Variants in DPP6 observed in about 807,000 individuals in gnomAD.
DPP6 encodes the protein dipeptidyl peptidase like 6, also known as A-type potassium channel modulatory protein DPP6.
Under a neutral mutation model 122.6 loss-of-function variants are expected in DPP6, and 69 were observed. The observed-to-expected ratio is 0.56, with a 90% CI of 0.46 to 0.69. The LOEUF (loss-of-function observed/expected upper bound fraction) is 0.69, where lower values mean the gene tolerates loss of function less well. DPP6 is among the 30% of genes least tolerant of loss of function. The pLI is 0.00. For synonymous variants in DPP6, 418 were observed against 433.1 expected (o/e 0.97, Z 0.43); for missense variants, 928 against 1,116.9 (o/e 0.83, Z 2.41).
At chr7:153,843,442 C>G in the DPP6 span, among the ~76,000 whole-genome samples, 1 of 152,170 alleles carries the variant, frequency 6.6e-6, no homozygotes, top group Admixed American at 6.5e-5. Flanking sequence ...ACGGGGCTCT[C>G]TCTTTGTTCC....
At chr7:153,762,887 C>T in the DPP6 span, among the ~76,000 whole-genome samples, 2 of 152,200 alleles carry the variant, frequency 1.3e-5, no homozygotes, top group Non-Finnish European at 2.9e-5. Flanking sequence ...GTTGAACAAG[C>T]ACTCCTAGGG....
intron 1 of DPP6, among the ~76,000 whole-genome samples, chr7:154,210,432 T>G (rs1799678825): frequency 6.6e-6 from 1 of 152,232 alleles, no homozygotes; most frequent in Admixed American, 6.5e-5. Context: ...TCTTACTAAC[T>G]GGATAACTTC....
At chr7:154,505,040 T>A (rs767217438) in intron 3 of DPP6, among the ~76,000 whole-genome samples, 2 of 152,168 alleles carry the variant, frequency 1.3e-5, no homozygotes, top group African/African-American at 2.4e-5. Context: ...AGACTGTCTC[T>A]TGACTACCTG....
At chr7:154,462,346 T>C (rs1180805457) in intron 2 of DPP6, among the ~76,000 whole-genome samples, 1 of 152,204 alleles carries the variant, frequency 6.6e-6, no homozygotes, top group Non-Finnish European at 1.5e-5. Flanking sequence ...TTATTGTGGA[T>C]CTTTTGTGAT....
intron 1 of DPP6, among the ~76,000 whole-genome samples, chr7:154,087,653 T>TG (rs1804521719): frequency 6.6e-6 from 1 of 152,180 alleles, no homozygotes; most frequent in Admixed American, 6.5e-5. Flanking sequence ...TGAAGGCTCT[T>TG]AGTTTAAAAG....
At chr7:154,651,941 T>C (rs561876228) in intron 6 of DPP6, among the ~76,000 whole-genome samples, 25 of 152,292 alleles carry the variant, frequency 1.6e-4, no homozygotes, top group Non-Finnish European at 2.6e-4. Flanking sequence ...TTTCAGGCCT[T>C]TTTCTAATCA....
intron 1 of DPP6, among the ~76,000 whole-genome samples, chr7:153,894,955 G>T (rs1311874788): frequency 6.6e-6 from 1 of 152,126 alleles, no homozygotes; most frequent in Non-Finnish European, 1.5e-5. Flanking sequence ...AAGATGGGCA[G>T]AGAACACAGA....
chr7:154,871,207 T>C (rs567809174), intron 18 of DPP6, among the ~76,000 whole-genome samples: 21 of 152,118 alleles, frequency 1.4e-4, no homozygotes, highest in South Asian at 1.2e-3. Context: ...GGTGTGTGAC[T>C]GTCATCCCTT....
At chr7:153,846,850 G>A in the DPP6 span, among the ~76,000 whole-genome samples, 3 of 151,804 alleles carry the variant, frequency 2.0e-5, no homozygotes, top group South Asian at 2.1e-4. Flanking sequence ...CTGCCACCAC[G>A]CCTGGCTAAT....
At chr7:153,937,130 G>T (rs745875599) in intron 1 of DPP6, among the ~76,000 whole-genome samples, 40 of 152,166 alleles carry the variant, frequency 2.6e-4, no homozygotes, top group Non-Finnish European at 5.6e-4. Flanking sequence ...GCTATGAGGA[G>T]AACCCCTTGA....
chr7:153,868,418 G>C, the DPP6 span, among the ~76,000 whole-genome samples: 4 of 152,142 alleles, frequency 2.6e-5, no homozygotes, highest in South Asian at 8.3e-4. Flanking sequence ...ATTTCTTCTA[G>C]ATTTTCTAGT....
At chr7:154,262,459 C>A (rs919219288) in intron 1 of DPP6, among the ~76,000 whole-genome samples, 2 of 152,052 alleles carry the variant, frequency 1.3e-5, no homozygotes, top group Non-Finnish European at 2.9e-5. Flanking sequence ...TGTGAGGACA[C>A]AGTGAGAAGG....
chr7:154,013,820 G>A (rs1371253897), intron 1 of DPP6, among the ~76,000 whole-genome samples: 1 of 151,988 alleles, frequency 6.6e-6, no homozygotes, highest in African/African-American at 2.4e-5. Flanking sequence ...CAGATTGTCA[G>A]CTGTCATCCA....
chr7:154,655,848 C>T (rs1470830720), intron 6 of DPP6, among the ~76,000 whole-genome samples: 1 of 152,188 alleles, frequency 6.6e-6, no homozygotes, highest in African/African-American at 2.4e-5. Context: ...TCCACTTTGT[C>T]CCTTCAGGCT....
At chr7:154,685,354 G>A (rs1034140332) in intron 7 of DPP6, among the ~76,000 whole-genome samples, 1 of 152,208 alleles carries the variant, frequency 6.6e-6, no homozygotes, top group Non-Finnish European at 1.5e-5. Flanking sequence ...TTAGAATAAT[G>A]TTTCTTAACT....
At chr7:154,815,456 A>T (rs1345569822) in intron 16 of DPP6, among the ~76,000 whole-genome samples, 2 of 152,210 alleles carry the variant, frequency 1.3e-5, no homozygotes, top group Non-Finnish European at 2.9e-5. Context: ...TGTGTTTCAC[A>T]GTCCTCGCCT....
At chr7:153,789,931 C>T in the DPP6 span, among the ~76,000 whole-genome samples, 4 of 151,998 alleles carry the variant, frequency 2.6e-5, no homozygotes, top group African/African-American at 9.7e-5. Flanking sequence ...TGGTAAAATA[C>T]AGGAGTATCT....
chr7:154,404,955 G>A (rs1586176375), intron 1 of DPP6, among the ~76,000 whole-genome samples: 1 of 152,306 alleles, frequency 6.6e-6, no homozygotes, highest in East Asian at 1.9e-4. Context: ...TAAAAATTAT[G>A]CTTAGAATAA....
chr7:154,454,580 G>C (rs1336629138), intron 2 of DPP6, among the ~76,000 whole-genome samples: 1 of 152,126 alleles, frequency 6.6e-6, no homozygotes, highest in East Asian at 1.9e-4. Context: ...GGACAGTCTG[G>C]CCAGGAAGTT....
Sources: gnomAD v4.1 joint callset for allele counts (sites outside exome capture counted in the v4.1 genomes callset) on GRCh38, gnomAD v4.1.1 for gene constraint, MANE v1.5 for transcripts, NCBI Gene and HGNC (gene_info 2026-07-23, HGNC 2026-07-21) for gene names.